The following CWC27 variants were observed in gnomAD, a reference collection of about 807,000 sequenced individuals.
CWC27 encodes spliceosome-associated protein CWC27 homolog.
CWC27 carries 47 observed loss-of-function variants against 63.6 expected under a neutral mutation model. The ratio of observed to expected loss-of-function variants is 0.74; its 90% CI spans 0.58 to 0.94. CWC27 has a LOEUF of 0.94. Among genes scored for constraint, CWC27 ranks in the 40% least tolerant of loss-of-function variants. The pLI is 0.00. For missense variants in CWC27, 495 were observed against 554.3 expected (o/e 0.89, Z 1.07); for synonymous variants, 175 against 179.8 (o/e 0.97, Z 0.22).
chr5:64,898,677 A>G (rs561435159), intron 11 of CWC27, among the ~76,000 whole-genome samples: 1 of 152,290 alleles, frequency 6.6e-6, no homozygotes, highest in African/African-American at 2.4e-5. Context: ...GAGAGAGGCA[A>G]GCAGATGGAT....
rs115677084 is a variant in CWC27, at chr5:64,944,627, T to G, written c.1043-27076T>G. The stretch of plus-strand genomic sequence containing the variant: ...TGAAATCATCCCTGTCTCAGTTAAT[T>G]TTGGAATCGTTTTTTGTTCCCCTTT... On this transcript the variant is annotated intron_variant, in intron 11 of 13. Coordinates refer to ENST00000381070, the MANE Select transcript of CWC27 (RefSeq NM_005869.4). Among the ~76,000 whole-genome samples, 201 of 152,316 alleles carry G rather than the reference T, an allele frequency of 1.3e-3. 1 individual carries two copies. Among genetic ancestry groups the G allele is most frequent in the African/African-American group, 4.5e-3 (186 of 41,582 alleles).
At chr5:64,959,807 A>C (rs1748871871) in intron 11 of CWC27, among the ~76,000 whole-genome samples, 1 of 152,184 alleles carries the variant, frequency 6.6e-6, no homozygotes, top group East Asian at 1.9e-4. Flanking sequence ...CTATCTGTTT[A>C]TTTGTCCATT....
At position 64,958,505 on chromosome 5, in the gene CWC27, T is replaced by C. The variant is rs535154964; in HGVS notation, c.1043-13198T>C. ...ATTCCTTTTATGCAGAATTTAAAAATCAAGATTAAGCATTCAGTAGCATGT... is the reference window on the plus strand; with the variant it reads ...ATTCCTTTTATGCAGAATTTAAAAACCAAGATTAAGCATTCAGTAGCATGT... On this transcript the variant is annotated intron_variant, in intron 11 of 13. Coordinates refer to ENST00000381070, the MANE Select transcript of CWC27 (RefSeq NM_005869.4). 2.0e-5 allele frequency among the ~76,000 whole-genome samples: 3 copies of C among 152,276 alleles called. No homozygotes were observed. The South Asian group carries it at 6.2e-4, about 32-fold the overall frequency.
At chr5:64,990,597 T>A (rs1749521905) in intron 13 of CWC27, among the ~76,000 whole-genome samples, 1 of 152,212 alleles carries the variant, frequency 6.6e-6, no homozygotes, top group Admixed American at 6.5e-5. Flanking sequence ...CATCCTTAAT[T>A]CAGAAACTTT....
intron 10 of CWC27, among the ~76,000 whole-genome samples, chr5:64,873,249 G>T (rs985593940): frequency 6.6e-6 from 1 of 151,876 alleles, no homozygotes; most frequent in Non-Finnish European, 1.5e-5. Context: ...GGACAGTAAA[G>T]GTCAGTCAAT....
chr5:64,933,067 C>G (rs1338917599), intron 11 of CWC27, among the ~76,000 whole-genome samples: 1 of 152,126 alleles, frequency 6.6e-6, no homozygotes, highest in Non-Finnish European at 1.5e-5. Context: ...ATCTTATCCT[C>G]TATTACTGCC....
At chr5:64,998,782 AT>A (rs1281866230) in intron 13 of CWC27, among the ~76,000 whole-genome samples, 2 of 149,886 alleles carry the variant, frequency 1.3e-5, no homozygotes, top group African/African-American at 2.5e-5. Flanking sequence ...CTAATGCTCT[AT>A]TTTTCTATTC....
chr5:64,868,213 A>G (rs924829408), intron 10 of CWC27, among the ~76,000 whole-genome samples: 1 of 152,062 alleles, frequency 6.6e-6, no homozygotes, highest in Non-Finnish European at 1.5e-5. Context: ...TGAAAACTCT[A>G]TGCTAACTGC....
chr5:64,774,850 G>A, intron 2 of CWC27, 63 bp downstream of exon 2: 1 of 935,154 alleles, frequency 1.1e-6, no homozygotes, highest in Non-Finnish European at 1.7e-6. Context: ...TGCAGTGTCT[G>A]CTTCACAACA....
chr5:64,890,293 A>G (rs1223350466), intron 11 of CWC27, among the ~76,000 whole-genome samples: 4 of 152,176 alleles, frequency 2.6e-5, no homozygotes, highest in Admixed American at 1.3e-4. Context: ...ATTTCTTCAG[A>G]CTATCTTTTT....
At chr5:64,935,115 T>G (rs1460215227) in intron 11 of CWC27, among the ~76,000 whole-genome samples, 1 of 152,286 alleles carries the variant, frequency 6.6e-6, no homozygotes, top group Non-Finnish European at 1.5e-5. Context: ...TAATTAGATC[T>G]GATTTGTCAA....
chr5:65,012,075 C>G (rs1183083234), intron 13 of CWC27, among the ~76,000 whole-genome samples: 2 of 152,168 alleles, frequency 1.3e-5, no homozygotes, highest in Non-Finnish European at 2.9e-5. Flanking sequence ...TCTTTAATGT[C>G]CAACCTGGAT....
At position 64,785,530 on chromosome 5, in the gene CWC27, TTGA is replaced by T; in HGVS notation, c.453_455del (p.Asp152del). ...ATGTTGCGACTGTCAGAAGTAGACA[TTGA>T]TGATGACGAAAGACCACATAATCCA... is the stretch of plus-strand genomic sequence containing the variant. On this transcript the variant is annotated inframe_deletion, in exon 5 of 14. Transcript: ENST00000381070. 5 of 1,577,302 alleles carry T rather than the reference TTGA, an allele frequency of 3.2e-6. No homozygotes were observed. The highest frequency in any genetic ancestry group is 4.3e-6 in the Non-Finnish European group (5 of 1,166,690).
intron 10 of CWC27, among the ~76,000 whole-genome samples, chr5:64,824,547 G>T (rs951264404): frequency 6.6e-6 from 1 of 152,062 alleles, no homozygotes; most frequent in Admixed American, 6.5e-5. Context: ...CTTAGTTATG[G>T]AATGTGAGTA....
chr5:64,830,439 A>G (rs1482694987), intron 10 of CWC27, among the ~76,000 whole-genome samples: 1 of 152,178 alleles, frequency 6.6e-6, no homozygotes, highest in Non-Finnish European at 1.5e-5. Context: ...AAGATGGATT[A>G]AAGACTTAAA....
At chr5:64,990,076 A>G (rs1345493703) in intron 13 of CWC27, among the ~76,000 whole-genome samples, 1 of 151,940 alleles carries the variant, frequency 6.6e-6, no homozygotes, top group Non-Finnish European at 1.5e-5. Flanking sequence ...TTTTCTATTC[A>G]CTAGTTATAA....
chr5:64,865,522 T>C (rs1162921796), intron 10 of CWC27, among the ~76,000 whole-genome samples: 1 of 152,060 alleles, frequency 6.6e-6, no homozygotes, highest in Non-Finnish European at 1.5e-5. Flanking sequence ...AAAGTAGGAC[T>C]TTGGGAATGG....
chr5:64,906,316 T>C (rs1342925089), intron 11 of CWC27, among the ~76,000 whole-genome samples: 1 of 152,202 alleles, frequency 6.6e-6, no homozygotes, highest in Non-Finnish European at 1.5e-5. Flanking sequence ...TTTCTCCACA[T>C]CCTTTCCAAT....
At chr5:64,923,086 G>T (rs1748028613) in intron 11 of CWC27, among the ~76,000 whole-genome samples, 1 of 152,172 alleles carries the variant, frequency 6.6e-6, no homozygotes, top group Non-Finnish European at 1.5e-5. Context: ...ACAGGTAGGA[G>T]GTGCTGCAGC....
Sources: gnomAD v4.1 joint callset for allele counts (sites outside exome capture counted in the v4.1 genomes callset) on GRCh38, gnomAD v4.1.1 for gene constraint, MANE v1.5 for transcripts, NCBI Gene and HGNC (gene_info 2026-07-23, HGNC 2026-07-21) for gene names.